Variants in ADGRL3 observed in about 807,000 individuals in gnomAD.
The protein encoded by ADGRL3 is adhesion G protein-coupled receptor L3, also known as calcium-independent alpha-latrotoxin receptor 3.
A neutral mutation model predicts 153.5 loss-of-function variants in ADGRL3; 62 were observed. The ratio of observed to expected loss-of-function variants is 0.40; its 90% CI spans 0.33 to 0.50. ADGRL3 has a LOEUF of 0.50. Among genes scored for constraint, ADGRL3 ranks in the 20% least tolerant of loss-of-function variants. ADGRL3 has a pLI of 0.47. For missense variants in ADGRL3, 1,641 were observed against 1,859.4 expected (o/e 0.88, Z 2.16); for synonymous variants, 710 against 672.5 (o/e 1.06, Z -0.86).
intron 21 of ADGRL3, among the ~76,000 whole-genome samples, chr4:62,009,201 CAGTT>C (rs1375928052): frequency 1.3e-5 from 2 of 152,098 alleles, no homozygotes; most frequent in Non-Finnish European, 2.9e-5. Flanking sequence ...AAATAAAAAT[CAGTT>C]AGATGTCAAA....
In ADGRL3 at chr4:61,733,242, C is replaced by T; in HGVS notation, c.1087C>T (p.Leu363=). The change falls in exon 8 of 27, where the codon CTA becomes TTA. Residue 363 remains leucine, a synonymous_variant. Transcript: ENST00000683033. ...CATTAGTCAATTGAACCCTTACACC[C>T]TACGGATCGAAGGAACATGGGATAC... The part of the protein sequence containing the change: ...IVISQLNPYT[L]RIEGTWDTAY... 12 of 1,613,688 alleles carry T rather than the reference C, an allele frequency of 7.4e-6. No individual in the cohort carries two copies. The highest frequency in any genetic ancestry group is 1.0e-5 in the Non-Finnish European group (12 of 1,179,802).
intron 2 of ADGRL3, among the ~76,000 whole-genome samples, chr4:61,394,390 A>T (rs1173811170): frequency 6.6e-6 from 1 of 152,070 alleles, no homozygotes; most frequent in Non-Finnish European, 1.5e-5. Context: ...GCTGGATCGG[A>T]TAGCTACAGT....
chr4:61,385,137 C>T (rs1213438730), intron 2 of ADGRL3, among the ~76,000 whole-genome samples: 1 of 152,070 alleles, frequency 6.6e-6, no homozygotes, highest in African/African-American at 2.4e-5. Context: ...CCTATGATTT[C>T]TCCATAAACT....
intron 5 of ADGRL3, among the ~76,000 whole-genome samples, chr4:61,657,722 T>C (rs973841299): frequency 2.0e-5 from 3 of 152,128 alleles, no homozygotes; most frequent in Non-Finnish European, 4.4e-5. Context: ...CAAACAACAA[T>C]GAAACATTCA....
At chr4:61,568,723 G>T (rs2098826438) in intron 4 of ADGRL3, among the ~76,000 whole-genome samples, 1 of 151,992 alleles carries the variant, frequency 6.6e-6, no homozygotes, top group Admixed American at 6.6e-5. Context: ...TGCACTATTT[G>T]ATCCTATTAT....
chr4:61,645,126 C>G (rs1274390666), intron 5 of ADGRL3, among the ~76,000 whole-genome samples: 1 of 3,034 alleles, frequency 3.3e-4, no homozygotes, highest in Non-Finnish European at 3.8e-3. Flanking sequence ...TTTTTGTTTT[C>G]CATTTTTTTT....
chr4:61,380,654 T>C (rs1355346389), intron 1 of ADGRL3, among the ~76,000 whole-genome samples: 1 of 152,038 alleles, frequency 6.6e-6, no homozygotes, highest in East Asian at 1.9e-4. Context: ...CAATAATTTC[T>C]GGTGCATTGC....
intron 1 of ADGRL3, among the ~76,000 whole-genome samples, chr4:61,223,514 A>G (rs1334036776): frequency 1.3e-5 from 2 of 152,130 alleles, no homozygotes; most frequent in African/African-American, 4.8e-5. Flanking sequence ...TAGGTGTAGA[A>G]CCAGATTGGT....
intron 6 of ADGRL3, among the ~76,000 whole-genome samples, chr4:61,705,910 T>C (rs1249886086): frequency 1.3e-5 from 2 of 152,166 alleles, no homozygotes; most frequent in Non-Finnish European, 2.9e-5. Context: ...ATTCGGGCTT[T>C]GATATTCCAT....
chr4:61,725,476 T>A (rs2096313635), intron 6 of ADGRL3, among the ~76,000 whole-genome samples: 1 of 151,836 alleles, frequency 6.6e-6, no homozygotes, highest in Admixed American at 6.6e-5. Context: ...GTGCCTGTAG[T>A]CCCAGCTACT....
At chr4:61,623,890 C>G (rs1394511436) in intron 5 of ADGRL3, among the ~76,000 whole-genome samples, 1 of 151,894 alleles carries the variant, frequency 6.6e-6, no homozygotes, top group Admixed American at 6.6e-5. Flanking sequence ...GAACTGAAAC[C>G]AAGGAGAACA....
At chr4:61,484,990 T>C (rs923739136) in intron 2 of ADGRL3, among the ~76,000 whole-genome samples, 2 of 152,234 alleles carry the variant, frequency 1.3e-5, no homozygotes, top group African/African-American at 4.8e-5. Context: ...CATAAATATG[T>C]ATTTAAATAA....
chr4:62,062,697 A>C (rs6843474), intron 25 of ADGRL3, among the ~76,000 whole-genome samples: 143,844 of 152,114 alleles, frequency 0.95, 68,241 homozygotes, highest in Non-Finnish European at 0.98. Context: ...AAAAAGTATT[A>C]ACAAAAGGGT....
chr4:61,276,416 A>G (rs1264353428), intron 1 of ADGRL3, among the ~76,000 whole-genome samples: 2 of 152,204 alleles, frequency 1.3e-5, no homozygotes, highest in African/African-American at 4.8e-5. Context: ...ACTTAAAGGA[A>G]CAGCATTCAA....
At chr4:61,676,463 C>CT (rs532722309) in intron 5 of ADGRL3, among the ~76,000 whole-genome samples, 41 of 148,494 alleles carry the variant, frequency 2.8e-4, no homozygotes, top group South Asian at 6.4e-4. Context: ...TTCTAAAATA[C>CT]TTTTTTTTTT....
At chr4:61,392,700 AAAAAAAG>A (rs1560565622) in intron 2 of ADGRL3, among the ~76,000 whole-genome samples, 1 of 146,270 alleles carries the variant, frequency 6.8e-6, no homozygotes, top group African/African-American at 2.5e-5. Flanking sequence ...AAAAAAAAAA[AAAAAAAG>A]AAAAAGGAAA....
intron 2 of ADGRL3, among the ~76,000 whole-genome samples, chr4:61,409,445 A>G (rs1167322831): frequency 2.1e-5 from 3 of 145,998 alleles, no homozygotes; most frequent in African/African-American, 7.5e-5. Context: ...TCTCATTCCA[A>G]GCTTTCCTTT....
At chr4:62,064,253 T>C (rs2151887217) in intron 25 of ADGRL3, among the ~76,000 whole-genome samples, 1 of 152,118 alleles carries the variant, frequency 6.6e-6, no homozygotes, top group East Asian at 1.9e-4. Context: ...CTTCTGTGGC[T>C]ATATGTTAAA....
chr4:61,509,481 C>G (rs1196627323), intron 3 of ADGRL3, among the ~76,000 whole-genome samples: 2 of 152,068 alleles, frequency 1.3e-5, no homozygotes, highest in Non-Finnish European at 1.5e-5. Flanking sequence ...ACTTATAAGT[C>G]TATGTGTGCA....
Sources: gnomAD v4.1 joint callset for allele counts (sites outside exome capture counted in the v4.1 genomes callset) on GRCh38, gnomAD v4.1.1 for gene constraint, MANE v1.5 for transcripts, NCBI Gene and HGNC (gene_info 2026-07-23, HGNC 2026-07-21) for gene names.